Variants in KCNIP4 observed in about 807,000 individuals in gnomAD.
The protein encoded by KCNIP4 is Kv channel-interacting protein 4.
In KCNIP4, 12 loss-of-function variants were observed where a neutral mutation model predicts 34.0. The ratio of observed to expected loss-of-function variants is 0.35; its 90% CI spans 0.23 to 0.57. The LOEUF (loss-of-function observed/expected upper bound fraction) is 0.57, where lower values mean the gene tolerates loss of function less well. Among genes scored for constraint, KCNIP4 ranks in the 20% least tolerant of loss-of-function variants. The pLI, the probability that KCNIP4 is intolerant of heterozygous loss-of-function variation, is 0.83. For synonymous variants in KCNIP4, 124 were observed against 102.2 expected, an observed-to-expected ratio of 1.21 and a Z score of -1.29; for missense variants, 238 against 311.7, an observed-to-expected ratio of 0.76 and a Z score of 1.78.
intron 1 of KCNIP4, among the ~76,000 whole-genome samples, chr4:21,034,608 T>C (rs769091745): frequency 6.6e-5 from 10 of 152,118 alleles, no homozygotes; most frequent in South Asian, 2.1e-4. Context: ...TGAGAAATGA[T>C]GGTCGAATGA....
intron 1 of KCNIP4, among the ~76,000 whole-genome samples, chr4:21,100,321 C>T (rs375575929): frequency 3.9e-5 from 6 of 152,140 alleles, no homozygotes; most frequent in South Asian, 4.2e-4. Context: ...GAGGCCAAGC[C>T]GGGCAGATTA....
intron 1 of KCNIP4, among the ~76,000 whole-genome samples, chr4:21,263,179 T>C (rs1453251228): frequency 1.3e-5 from 2 of 152,210 alleles, no homozygotes; most frequent in African/African-American, 4.8e-5. Context: ...TGTTGTAATA[T>C]GCCGTTCTCC....
chr4:21,766,270 C>A (rs1335457624), intron 1 of KCNIP4, among the ~76,000 whole-genome samples: 3 of 152,126 alleles, frequency 2.0e-5, no homozygotes, highest in African/African-American at 7.2e-5. Flanking sequence ...CTGCACTTGG[C>A]GTATACCGAT....
At chr4:20,992,305 G>T (rs1737146689) in intron 1 of KCNIP4, among the ~76,000 whole-genome samples, 1 of 152,100 alleles carries the variant, frequency 6.6e-6, no homozygotes, top group African/African-American at 2.4e-5. Context: ...CAGGGGAAAT[G>T]TCCGTCACTT....
At chr4:21,456,837 A>G (rs1728991707) in intron 1 of KCNIP4, among the ~76,000 whole-genome samples, 1 of 152,056 alleles carries the variant, frequency 6.6e-6, no homozygotes, top group African/African-American at 2.4e-5. Context: ...ATTATAGATT[A>G]GGGTGCTCTG....
intron 1 of KCNIP4, among the ~76,000 whole-genome samples, chr4:21,270,941 A>G (rs13111578): frequency 0.28 from 41,377 of 149,044 alleles, 5,926 homozygotes; most frequent in South Asian, 0.38. Flanking sequence ...AGCTGAGATC[A>G]CACCATTGTA....
chr4:21,796,325 C>A (rs2044805), intron 1 of KCNIP4, among the ~76,000 whole-genome samples: 52,551 of 151,900 alleles, frequency 0.35, 10,765 homozygotes, highest in Non-Finnish European at 0.48. Context: ...AGCTTTCTCC[C>A]CTCCCTGTAA....
At chr4:20,766,994 C>T (rs1045745929) in intron 3 of KCNIP4, 1 of 152,144 alleles carries the variant, frequency 6.6e-6, no homozygotes. Context: ...GAATAAGATA[C>T]ACATATTATG....
At chr4:21,389,056 C>T (rs1206435049) in intron 1 of KCNIP4, among the ~76,000 whole-genome samples, 1 of 151,652 alleles carries the variant, frequency 6.6e-6, no homozygotes, top group African/African-American at 2.4e-5. Context: ...ACAATCAAGG[C>T]TCATTGCAGC....
intron 1 of KCNIP4, among the ~76,000 whole-genome samples, chr4:21,655,757 G>A (rs879648259): frequency 5.9e-5 from 9 of 152,114 alleles, no homozygotes; most frequent in African/African-American, 1.7e-4. Context: ...AATTGAATGA[G>A]CATATAACAC....
At chr4:21,638,184 A>G (rs1169313030) in intron 1 of KCNIP4, among the ~76,000 whole-genome samples, 1 of 152,158 alleles carries the variant, frequency 6.6e-6, no homozygotes, top group African/African-American at 2.4e-5. Context: ...GTACACAACT[A>G]TATCCATATT....
intron 1 of KCNIP4, among the ~76,000 whole-genome samples, chr4:21,623,939 T>C (rs1009874830): frequency 6.6e-6 from 1 of 152,126 alleles, no homozygotes; most frequent in African/African-American, 2.4e-5. Flanking sequence ...ATAACCTTCC[T>C]TTCTGCTCCA....
intron 1 of KCNIP4, among the ~76,000 whole-genome samples, chr4:20,941,499 G>A (rs150754689): frequency 6.6e-6 from 1 of 152,300 alleles, no homozygotes; most frequent in East Asian, 1.9e-4. Context: ...AACGGAGAAA[G>A]AAGGACAAAA....
At chr4:21,332,754 TC>T (rs1453170169) in intron 1 of KCNIP4, among the ~76,000 whole-genome samples, 2 of 151,984 alleles carry the variant, frequency 1.3e-5, no homozygotes, top group African/African-American at 4.8e-5. Context: ...CAACTTCATA[TC>T]TGTCCTCCTT....
rs777631018 is a variant in KCNIP4 at position 20,924,039 on chromosome 4, C to T, written c.62-41330G>A. On this transcript the variant is annotated intron_variant, in intron 1 of 8. Coordinates refer to ENST00000382152, the MANE Select transcript of KCNIP4 (RefSeq NM_025221.6). The stretch of plus-strand genomic sequence containing the variant: ...TACCACATATGATTTATTTTTTTCT[C>T]ATTTTAGATTTGAAGTCATTCTGAC... Among the ~76,000 whole-genome samples the T allele has an allele frequency of 1.1e-4, 16 of 152,152 alleles. No individual in the cohort carries two copies. The East Asian group carries it at 1.7e-3, about 17-fold the overall frequency.
At chr4:21,521,765 A>G (rs369094508) in intron 1 of KCNIP4, among the ~76,000 whole-genome samples, 4 of 152,206 alleles carry the variant, frequency 2.6e-5, no homozygotes, top group African/African-American at 9.6e-5. Context: ...ATTCTTAATC[A>G]TCTCTTACCT....
chr4:21,767,197 G>A (rs182816032), intron 1 of KCNIP4, among the ~76,000 whole-genome samples: 1 of 152,234 alleles, frequency 6.6e-6, no homozygotes, highest in Non-Finnish European at 1.5e-5. Context: ...AGCCCAACGA[G>A]CAAGGACTAG....
chr4:21,277,033 G>A (rs545711447), intron 1 of KCNIP4, among the ~76,000 whole-genome samples: 1 of 152,236 alleles, frequency 6.6e-6, no homozygotes, highest in Admixed American at 6.5e-5. Flanking sequence ...AACTCTGTCA[G>A]GACTTCAGCC....
At position 21,815,333 on chromosome 4, in the gene KCNIP4, T is replaced by C. The variant is rs888933484; in HGVS notation, c.61+133238A>G. ...AAAATGGGGATACCAGTAAGGATTGTTGTGAAGAACATATGTGATAATGTA... is the reference window on the plus strand; with the variant it reads ...AAAATGGGGATACCAGTAAGGATTGCTGTGAAGAACATATGTGATAATGTA... On this transcript the variant is annotated intron_variant, in intron 1 of 8. Coordinates refer to ENST00000382152, the MANE Select transcript of KCNIP4 (RefSeq NM_025221.6). 1.9e-4 allele frequency among the ~76,000 whole-genome samples: 29 copies of C among 152,148 alleles called. 1 individual carries two copies. Among genetic ancestry groups the C allele is most frequent in the Admixed American group, 3.9e-4 (6 of 15,268 alleles).
Sources: allele counts gnomAD v4.1 joint callset (sites outside exome capture counted in the v4.1 genomes callset), GRCh38; gene constraint gnomAD v4.1.1; transcripts MANE v1.5; gene names NCBI Gene and HGNC (gene_info 2026-07-23, HGNC 2026-07-21).